The following ZSCAN5A variants were observed in gnomAD, a reference collection of about 807,000 sequenced individuals.
ZSCAN5A encodes the protein zinc finger and SCAN domain containing 5A, also known as zinc finger and SCAN domain-containing protein 5A.
In ZSCAN5A, 12 loss-of-function variants were observed where a neutral mutation model predicts 23.7. The observed-to-expected ratio is 0.51, with a 90% CI of 0.32 to 0.82. The LOEUF (loss-of-function observed/expected upper bound fraction) is 0.82. Ranked by LOEUF, ZSCAN5A falls within the 40% of genes least tolerant of loss-of-function variation. The pLI is 0.03. For missense variants in ZSCAN5A, 597 were observed against 617.9 expected (o/e 0.97, Z 0.36); for synonymous variants, 257 against 239.9 (o/e 1.07, Z -0.66).
chr19:56,222,409 G>A, intron 5 of ZSCAN5A, 83 bp from the exon 6 acceptor site: 1 of 1,572,532 alleles, frequency 6.4e-7, no homozygotes, highest in Non-Finnish European at 8.6e-7. Flanking sequence ...ACTGATGTTG[G>A]CTGACAACTT....
chr19:56,340,525 T>G (rs941782047), intron 2 of ZSCAN5A, among the ~76,000 whole-genome samples: 6 of 152,202 alleles, frequency 3.9e-5, no homozygotes, highest in African/African-American at 1.4e-4. Context: ...TGATAATAAT[T>G]TAGGATATTT....
chr19:56,269,768 T>C (rs2037718175), intron 2 of ZSCAN5A, among the ~76,000 whole-genome samples: 1 of 152,192 alleles, frequency 6.6e-6, no homozygotes, highest in Non-Finnish European at 1.5e-5. Context: ...GAGTCAGGAA[T>C]GTGGGCAGCC....
intron 2 of ZSCAN5A, among the ~76,000 whole-genome samples, chr19:56,250,753 T>G (rs1232068428): frequency 6.6e-6 from 1 of 152,232 alleles, no homozygotes; most frequent in African/African-American, 2.4e-5. Context: ...CATTATCACA[T>G]GGCAGCCATA....
intron 2 of ZSCAN5A, chr19:56,342,940 A>T (rs1021113532): frequency 4.9e-6 from 5 of 1,028,124 alleles, no homozygotes; most frequent in Non-Finnish European, 7.7e-6. Flanking sequence ...ATAGCAGTGC[A>T]CTTTGGTTAT....
chr19:56,299,163 G>A lies in ZSCAN5A; in HGVS notation c.-128+14120C>T, dbSNP rs539068484. Among the ~76,000 whole-genome samples the A allele has an allele frequency of 2.4e-4, 37 of 152,058 alleles. No individual in the cohort carries two copies. The South Asian group carries it at 6.4e-3, about 26-fold the overall frequency. ...TATTTTTTTTTTGAGACACGGTCTA[G>A]CTTTGTTGCCCAGGCTGGAGTGCAG... On this transcript the variant is annotated intron_variant, in intron 2 of 5. Transcript: ENST00000683990.
intron 2 of ZSCAN5A, chr19:56,310,486 A>G (rs766390840): frequency 1.3e-5 from 2 of 152,292 alleles, no homozygotes; most frequent in Non-Finnish European, 2.9e-5. Flanking sequence ...TTCGCCCAAC[A>G]CTGAAAACTA....
chr19:56,221,711 C>A lies in ZSCAN5A; in HGVS notation c.1355G>T (p.Arg452Met). ...GCGCTGGTGCTCCTTCAGGCTCCCC[C>A]TGTAGGTGAAAACTTTCTTGCAGTC... ...CKDCKKVFTYRGSLKEHQRIH... is the reference protein window; with the variant it reads ...CKDCKKVFTYMGSLKEHQRIH... Residue 452 changes from arginine (R) to methionine (M), a missense_variant, in exon 6 of 6, where the codon AGG becomes ATG. Around this residue, in one of 5 missense-constraint regions of ZSCAN5A, gnomAD observed 87 missense variants for 74.4 expected, o/e 1.17. Coordinates refer to ENST00000683990, the MANE Select transcript of ZSCAN5A (RefSeq NM_001322064.3). The A allele has an allele frequency of 6.2e-7, 1 of 1,614,186 alleles. No individual in the cohort carries two copies. The highest frequency in any genetic ancestry group is 8.5e-7 in the Non-Finnish European group (1 of 1,180,022).
At chr19:56,252,733 T>C (rs546527761) in intron 2 of ZSCAN5A, among the ~76,000 whole-genome samples, 2 of 152,216 alleles carry the variant, frequency 1.3e-5, no homozygotes, top group African/African-American at 4.8e-5. Flanking sequence ...CCTCAACGTC[T>C]GGGTGAGGCC....
At chr19:56,346,233 CA>C (rs1355872778) in intron 2 of ZSCAN5A, among the ~76,000 whole-genome samples, 2 of 150,276 alleles carry the variant, frequency 1.3e-5, no homozygotes, top group Non-Finnish European at 3.0e-5. Context: ...ACAACAACAA[CA>C]AAAAACATTT....
At chr19:56,231,987 T>C (rs59717671) in intron 2 of ZSCAN5A, among the ~76,000 whole-genome samples, 1,412 of 66,320 alleles carry the variant, frequency 0.021, 37 homozygotes, top group African/African-American at 0.083. Context: ...TTCTTTCTTT[T>C]TTTCTTTTCT....
intron 2 of ZSCAN5A, among the ~76,000 whole-genome samples, chr19:56,342,155 T>A (rs1452541548): frequency 6.6e-6 from 1 of 152,106 alleles, no homozygotes; most frequent in Non-Finnish European, 1.5e-5. Flanking sequence ...AATCTTCTTA[T>A]AGTGACTTAT....
At chr19:56,228,340 G>C in intron 2 of ZSCAN5A, 1 of 985,304 alleles carries the variant, frequency 1.0e-6, no homozygotes. Context: ...TTATGGAGAA[G>C]CGGGACTCCA....
At chr19:56,293,366 A>T (rs2039645320) in intron 2 of ZSCAN5A, among the ~76,000 whole-genome samples, 1 of 152,216 alleles carries the variant, frequency 6.6e-6, no homozygotes, top group Non-Finnish European at 1.5e-5. Context: ...CGGTGCTATT[A>T]AACAATGCAA....
At chr19:56,240,019 A>G (rs1206108880) in intron 2 of ZSCAN5A, among the ~76,000 whole-genome samples, 1 of 151,998 alleles carries the variant, frequency 6.6e-6, no homozygotes, top group Non-Finnish European at 1.5e-5. Flanking sequence ...AAAATTAGCC[A>G]GGCGTGGTGG....
At chr19:56,336,882 T>C (rs1376805132) in intron 2 of ZSCAN5A, among the ~76,000 whole-genome samples, 1 of 152,210 alleles carries the variant, frequency 6.6e-6, no homozygotes, top group African/African-American at 2.4e-5. Context: ...TCAGCAGCAG[T>C]GGCTGCAGAA....
intron 2 of ZSCAN5A, chr19:56,274,675 A>C (rs376335491): frequency 1.3e-4 from 20 of 152,332 alleles, no homozygotes; most frequent in East Asian, 9.6e-4. Context: ...TACAGACCTC[A>C]TTCAAATTTT....
chr19:56,317,614 C>T (rs1286426747), upstream of ZSCAN5A: 3 of 152,294 alleles, frequency 2.0e-5, no homozygotes, highest in Non-Finnish European at 4.4e-5. Context: ...CATCCACTTT[C>T]GGATCCTGCT....
In ZSCAN5A at chr19:56,351,575, G is replaced by A. The variant is rs533765029; in HGVS notation, c.-358+11660C>T. On this transcript the variant is annotated intron_variant, in intron 2 of 6. Coordinates refer to the ZSCAN5A transcript ENST00000587340. The surrounding 1 kb of genome is among the most constrained non-coding windows in gnomAD (Gnocchi z 4.8). ...CTGTTCCTTTCCCATGTCTCAGTAC[G>A]GGGGAGCTGTTCTCTTCTTTCTTCC... Among the ~76,000 whole-genome samples the A allele has an allele frequency of 8.7e-4, 132 of 152,118 alleles. 1 individual carries two copies. Among genetic ancestry groups the A allele is most frequent in the South Asian group, 5.0e-3 (24 of 4,810 alleles).
chr19:56,300,053 G>A (rs1303181942), intron 2 of ZSCAN5A: 2 of 152,154 alleles, frequency 1.3e-5, no homozygotes, highest in African/African-American at 4.8e-5. Context: ...ACCTTTGATT[G>A]GGAGGGTATA....
Sources: allele counts gnomAD v4.1 joint callset (sites outside exome capture counted in the v4.1 genomes callset), GRCh38; gene constraint gnomAD v4.1.1; regional missense constraint gnomAD v4.1.1; non-coding constraint Gnocchi (gnomAD v3.1); transcripts MANE v1.5; gene names NCBI Gene and HGNC (gene_info 2026-07-23, HGNC 2026-07-21).